The following COL19A1 variants were observed in gnomAD, a reference collection of about 807,000 sequenced individuals.
The protein encoded by COL19A1 is collagen type XIX alpha 1 chain.
A neutral mutation model predicts 190.2 loss-of-function variants in COL19A1; 159 were observed. The observed-to-expected ratio is 0.84, with a 90% CI of 0.73 to 0.95. The LOEUF (loss-of-function observed/expected upper bound fraction) is 0.95. Ranked by LOEUF, COL19A1 falls within the 40% of genes least tolerant of loss-of-function variation. COL19A1 has a pLI of 0.00. For missense variants in COL19A1, 1,418 were observed against 1,431.9 expected (o/e 0.99, Z 0.16); for synonymous variants, 509 against 458.9 (o/e 1.11, Z -1.39).
chr6:70,144,005 A>T (rs950856369), intron 23 of COL19A1, among the ~76,000 whole-genome samples: 1 of 152,098 alleles, frequency 6.6e-6, no homozygotes, highest in Non-Finnish European at 1.5e-5. Flanking sequence ...TTCCTATGGC[A>T]TCCAGGTGGC....
chr6:70,186,331 T>C (rs1029156059), intron 46 of COL19A1, among the ~76,000 whole-genome samples: 3 of 152,200 alleles, frequency 2.0e-5, no homozygotes, highest in African/African-American at 7.2e-5. Context: ...GATCAAAGTG[T>C]GCTAATATTT....
intron 7 of COL19A1, among the ~76,000 whole-genome samples, chr6:69,934,565 A>G (rs1772982582): frequency 1.3e-5 from 2 of 151,950 alleles, no homozygotes; most frequent in South Asian, 4.1e-4. Flanking sequence ...ATAGGTGATG[A>G]ATTGGGTGGA....
intron 9 of COL19A1, among the ~76,000 whole-genome samples, chr6:69,953,866 C>A (rs922740934): frequency 5.9e-5 from 9 of 151,994 alleles, no homozygotes; most frequent in African/African-American, 2.2e-4. Flanking sequence ...CTGTGTTTCT[C>A]TGCATAGTTA....
chr6:70,162,301 G>T (rs1037417711), intron 35 of COL19A1, among the ~76,000 whole-genome samples: 1 of 112,260 alleles, frequency 8.9e-6, no homozygotes. Flanking sequence ...CACAAACTGA[G>T]AATTTATTTT....
At chr6:69,891,319 A>G (rs1407281126) in intron 2 of COL19A1, 1 of 152,584 alleles carries the variant, frequency 6.6e-6, no homozygotes, top group East Asian at 1.9e-4. Flanking sequence ...AACTCTTTCT[A>G]GTTTGAAGGA....
At chr6:70,039,691 T>C (rs1261313707) in intron 14 of COL19A1, among the ~76,000 whole-genome samples, 1 of 152,198 alleles carries the variant, frequency 6.6e-6, no homozygotes, top group East Asian at 1.9e-4. Flanking sequence ...GAAATAGTAA[T>C]TGAGCACACT....
intron 15 of COL19A1, among the ~76,000 whole-genome samples, chr6:70,081,836 A>G (rs1274642185): frequency 1.3e-5 from 2 of 151,498 alleles, no homozygotes; most frequent in African/African-American, 2.4e-5. Context: ...ATAAAATTTG[A>G]ATAGTTTTAT....
chr6:70,092,176 G>A (rs139431089), intron 15 of COL19A1, among the ~76,000 whole-genome samples: 1 of 152,210 alleles, frequency 6.6e-6, no homozygotes, highest in East Asian at 1.9e-4. Context: ...ACAGGTTACC[G>A]CAGGTGCATC....
chr6:69,959,884 G>A, intron 9 of COL19A1, 112 bp from the exon 10 acceptor site: 1 of 844,806 alleles, frequency 1.2e-6, no homozygotes, highest in South Asian at 1.9e-5. Flanking sequence ...TAGATATTCA[G>A]TATTAGGCTA....
intron 12 of COL19A1, among the ~76,000 whole-genome samples, chr6:70,031,793 C>A (rs1226037152): frequency 1.3e-5 from 2 of 152,140 alleles, no homozygotes; most frequent in African/African-American, 4.8e-5. Flanking sequence ...CCATTTCTGA[C>A]ACCCCCCTTG....
At chr6:70,125,543 C>G (rs1453610486) in intron 17 of COL19A1, among the ~76,000 whole-genome samples, 2 of 151,718 alleles carry the variant, frequency 1.3e-5, no homozygotes, top group East Asian at 1.9e-4. Context: ...TATGAGAAAC[C>G]CTCTCTCCTC....
intron 11 of COL19A1, among the ~76,000 whole-genome samples, chr6:69,964,971 T>C (rs73482150): frequency 0.017 from 2,532 of 152,312 alleles, 73 homozygotes; most frequent in African/African-American, 0.055. Context: ...ACCACATGTA[T>C]TTTTTCATGA....
At chr6:70,130,362 A>G in intron 18 of COL19A1, 139 bp downstream of exon 18, 1 of 634,278 alleles carries the variant, frequency 1.6e-6, no homozygotes, top group Non-Finnish European at 2.7e-6. Context: ...AGTAGCTGGG[A>G]TTACAGGCAT....
In COL19A1 at chr6:69,924,635, G is replaced by T. The variant is rs1772231030; in HGVS notation, c.267-3274G>T. ...ATATCTGGGTCAAATGGTATTTCTAGTTCTAGATCCCTGAGGAATCGCCAC... is the reference window on the plus strand; with the variant it reads ...ATATCTGGGTCAAATGGTATTTCTATTTCTAGATCCCTGAGGAATCGCCAC... On this transcript the variant is annotated intron_variant, in intron 4 of 50. Transcript: ENST00000620364. Among the ~76,000 whole-genome samples the T allele has an allele frequency of 2.0e-5, 3 of 152,132 alleles. No homozygotes were observed. The South Asian group carries it at 6.2e-4, about 32-fold the overall frequency.
intron 14 of COL19A1, among the ~76,000 whole-genome samples, chr6:70,062,241 ACT>A (rs1780881103): frequency 6.6e-6 from 1 of 152,112 alleles, no homozygotes; most frequent in South Asian, 2.1e-4. Context: ...TTGTACTAAC[ACT>A]TTAAAAAAAT....
At chr6:69,938,307 C>T (rs1056658517) in intron 9 of COL19A1, among the ~76,000 whole-genome samples, 3 of 152,094 alleles carry the variant, frequency 2.0e-5, no homozygotes. Context: ...CTGGTGTGAA[C>T]TTTGGAAAGA....
intron 10 of COL19A1, 125 bp downstream of exon 10, chr6:69,960,165 T>C (rs1256947701): frequency 1.1e-6 from 1 of 913,016 alleles, no homozygotes; most frequent in African/African-American, 1.7e-5. Flanking sequence ...TAGAAAGCTA[T>C]GGATGTCTTT....
intron 9 of COL19A1, among the ~76,000 whole-genome samples, chr6:69,959,251 A>G (rs531837980): frequency 3.0e-4 from 45 of 152,324 alleles, no homozygotes; most frequent in Non-Finnish European, 5.0e-4. Context: ...GAAGAACTAA[A>G]AAGTCTTCCA....
intron 1 of COL19A1, among the ~76,000 whole-genome samples, chr6:69,868,361 A>T (rs1767612498): frequency 6.6e-6 from 1 of 152,156 alleles, no homozygotes; most frequent in Non-Finnish European, 1.5e-5. Context: ...GGTGAAAAAC[A>T]TGCATAAATG....
Sources: allele counts gnomAD v4.1 joint callset (sites outside exome capture counted in the v4.1 genomes callset), GRCh38; gene constraint gnomAD v4.1.1; transcripts MANE v1.5; gene names NCBI Gene and HGNC (gene_info 2026-07-23, HGNC 2026-07-21).